Variants in CALD1 observed in about 807,000 individuals in gnomAD.
CALD1 encodes caldesmon 1, also known as caldesmon.
CALD1 carries 33 observed loss-of-function variants against 99.9 expected under a neutral mutation model. The ratio of observed to expected loss-of-function variants is 0.33; its 90% CI spans 0.25 to 0.44. The LOEUF (loss-of-function observed/expected upper bound fraction) is 0.44, where lower values mean the gene tolerates loss of function less well. CALD1 is among the 20% of genes least tolerant of loss of function. CALD1 has a pLI of 1.00. For synonymous variants in CALD1, 310 were observed against 325.0 expected (o/e 0.95, Z 0.50); for missense variants, 861 against 962.1 (o/e 0.89, Z 1.39).
chr7:134,821,886 TCAA>T (rs1798799551), intron 1 of CALD1: 1 of 151,858 alleles, frequency 6.6e-6, no homozygotes, highest in Non-Finnish European at 1.5e-5. Context: ...CCGCCAAGAG[TCAA>T]CAACATTTTA....
intron 3 of CALD1, among the ~76,000 whole-genome samples, chr7:134,901,989 T>C (rs375337632): frequency 2.1e-4 from 32 of 152,198 alleles, no homozygotes; most frequent in East Asian, 1.5e-3. Context: ...AGGTGGAGTA[T>C]ACAATTTGAC....
intron 2 of CALD1, among the ~76,000 whole-genome samples, chr7:134,857,562 G>A (rs1330881909): frequency 1.3e-5 from 2 of 152,030 alleles, no homozygotes; most frequent in African/African-American, 4.8e-5. Flanking sequence ...CTATCTAAAT[G>A]ACTCATTACT....
intron 1 of CALD1, among the ~76,000 whole-genome samples, chr7:134,761,126 A>C (rs1796772888): frequency 6.6e-6 from 1 of 152,198 alleles, no homozygotes; most frequent in African/African-American, 2.4e-5. Context: ...TTAGGACATA[A>C]GAAGTGAGAA....
chr7:134,766,485 T>C (rs1275822124), intron 1 of CALD1, among the ~76,000 whole-genome samples: 2 of 152,208 alleles, frequency 1.3e-5, no homozygotes, highest in African/African-American at 4.8e-5. Context: ...CAGGTGTTTT[T>C]AGCAATGCTA....
intron 3 of CALD1, among the ~76,000 whole-genome samples, chr7:134,869,856 T>C (rs577989576): frequency 1.1e-4 from 17 of 152,120 alleles, no homozygotes; most frequent in African/African-American, 4.1e-4. Context: ...AAGTGAGCGG[T>C]CATCAAGGTA....
At chr7:134,903,444 TA>T (rs1318045574) in intron 3 of CALD1, among the ~76,000 whole-genome samples, 1 of 152,098 alleles carries the variant, frequency 6.6e-6, no homozygotes, top group Non-Finnish European at 1.5e-5. Flanking sequence ...GCCATGAATG[TA>T]AAACTCCTCT....
chr7:134,765,769 T>C (rs1796820157), intron 1 of CALD1, among the ~76,000 whole-genome samples: 1 of 152,046 alleles, frequency 6.6e-6, no homozygotes, highest in South Asian at 2.1e-4. Flanking sequence ...CAAAGGTGAT[T>C]GGATCGTGGT....
chr7:134,907,453 T>C (rs890934935), intron 3 of CALD1, among the ~76,000 whole-genome samples: 1 of 152,016 alleles, frequency 6.6e-6, no homozygotes, highest in Admixed American at 6.5e-5. Flanking sequence ...TACAACTCTA[T>C]GTTCAGGTGT....
At chr7:134,711,676 ATATATGTGTGTG>A in the CALD1 span, among the ~76,000 whole-genome samples, 1 of 70,432 alleles carries the variant, frequency 1.4e-5, no homozygotes, top group Non-Finnish European at 3.2e-5. Flanking sequence ...ATATATATAT[ATATATGTGTGTG>A]TGTGTGTGTG....
At position 134,941,107 on chromosome 7, in the gene CALD1, A is replaced by T. The variant is rs1357598505; in HGVS notation, c.1402A>T (p.Ile468Phe). The T allele has an allele frequency of 6.2e-7, 1 of 1,608,760 alleles. No homozygotes were observed. The change falls in exon 7 of 15, where the codon ATT becomes TTT. Residue 468 changes from isoleucine (I) to phenylalanine (F), a missense_variant. This residue lies in a region of CALD1 where 293 missense variants were observed against 262.7 expected (regional missense o/e 1.12). Coordinates refer to ENST00000361675, the MANE Select transcript of CALD1 (RefSeq NM_033138.4). ...FKKEEIKDEK[I>F]KKDKEPKEEV... is the part of the protein sequence containing the mutation. ...TGTTGGTTAGATCAAAGATGAAAAGATTAAAAAGGACAAAGAACCCAAAGA... is the reference window on the plus strand; with the variant it reads ...TGTTGGTTAGATCAAAGATGAAAAGTTTAAAAAGGACAAAGAACCCAAAGA...
At chr7:134,932,022 C>T (rs948107291) in intron 4 of CALD1, among the ~76,000 whole-genome samples, 8 of 152,192 alleles carry the variant, frequency 5.3e-5, no homozygotes, top group African/African-American at 1.9e-4. Flanking sequence ...TTGTGACTCT[C>T]AATCCCTAGG....
At chr7:134,769,844 G>T (rs921841740) in intron 1 of CALD1, among the ~76,000 whole-genome samples, 1 of 152,128 alleles carries the variant, frequency 6.6e-6, no homozygotes, top group South Asian at 2.1e-4. Flanking sequence ...CACCATTTTG[G>T]CCAGGCTGGT....
intron 2 of CALD1, among the ~76,000 whole-genome samples, chr7:134,853,113 C>A (rs572167467): frequency 6.6e-6 from 1 of 152,152 alleles, no homozygotes; most frequent in Non-Finnish European, 1.5e-5. Context: ...AATGTCTTAA[C>A]GTGGATTCCC....
At chr7:134,862,024 A>G (rs1050661975) in intron 2 of CALD1, among the ~76,000 whole-genome samples, 3 of 152,260 alleles carry the variant, frequency 2.0e-5, no homozygotes, top group African/African-American at 7.2e-5. Flanking sequence ...ATAAATTAAC[A>G]GAGATGAAAT....
chr7:134,828,005 A>G (rs1174090185), intron 1 of CALD1, among the ~76,000 whole-genome samples: 1 of 152,222 alleles, frequency 6.6e-6, no homozygotes, highest in Non-Finnish European at 1.5e-5. Context: ...TTGTTACTGC[A>G]TAGAAATACA....
At chr7:134,773,163 T>A (rs976854981) in intron 1 of CALD1, among the ~76,000 whole-genome samples, 2 of 152,194 alleles carry the variant, frequency 1.3e-5, no homozygotes, top group South Asian at 4.1e-4. Flanking sequence ...TTACTATTTT[T>A]TTTCTGTCCT....
At chr7:134,711,813 A>C in the CALD1 span, among the ~76,000 whole-genome samples, 1 of 150,732 alleles carries the variant, frequency 6.6e-6, no homozygotes, top group Admixed American at 6.7e-5. Flanking sequence ...ACAGGCTGTT[A>C]TGTAAAGTGT....
intron 2 of CALD1, among the ~76,000 whole-genome samples, chr7:134,865,448 C>A (rs1292341932): frequency 2.0e-5 from 3 of 152,010 alleles, no homozygotes; most frequent in Admixed American, 2.0e-4. Context: ...CAAAGCCTCA[C>A]CTAGAAAAGC....
At chr7:134,788,751 G>A (rs990955478) in intron 1 of CALD1, among the ~76,000 whole-genome samples, 3 of 152,202 alleles carry the variant, frequency 2.0e-5, no homozygotes, top group Admixed American at 6.5e-5. Flanking sequence ...GTGGTAGCTC[G>A]TGCCTGTAGT....
Sources: allele counts gnomAD v4.1 joint callset (sites outside exome capture counted in the v4.1 genomes callset), GRCh38; gene constraint gnomAD v4.1.1; regional missense constraint gnomAD v4.1.1; transcripts MANE v1.5; gene names NCBI Gene and HGNC (gene_info 2026-07-23, HGNC 2026-07-21).